The following PFKFB3 variants were observed in gnomAD, a reference collection of about 807,000 sequenced individuals.
PFKFB3 encodes 6-phosphofructo-2-kinase/fructose-2,6-bisphosphatase 3.
PFKFB3 carries 33 observed loss-of-function variants against 68.0 expected under a neutral mutation model. The observed-to-expected ratio is 0.49, with a 90% CI of 0.37 to 0.65. The LOEUF is 0.65. PFKFB3 is among the 30% of genes least tolerant of loss of function. The pLI is 0.00. For synonymous variants in PFKFB3, 315 were observed against 288.2 expected (o/e 1.09, Z -0.94); for missense variants, 586 against 712.2 (o/e 0.82, Z 2.02).
downstream of PFKFB3, among the ~76,000 whole-genome samples, chr10:6,240,134 T>G (rs1427253680): frequency 6.6e-6 from 1 of 152,250 alleles, no homozygotes; most frequent in African/African-American, 2.4e-5. Flanking sequence ...AGCTCCTATT[T>G]ATCTCATGCT....
At chr10:6,302,362 G>GT in the PFKFB3 span, among the ~76,000 whole-genome samples, 63 of 78,502 alleles carry the variant, frequency 8.0e-4, 2 homozygotes, top group African/African-American at 2.8e-3. Context: ...TGCCTGGCCA[G>GT]TTTTTTTTTT....
the PFKFB3 span, among the ~76,000 whole-genome samples, chr10:6,287,800 G>A: frequency 7.9e-5 from 12 of 151,778 alleles, no homozygotes; most frequent in African/African-American, 2.9e-4. Context: ...TGAACAAACT[G>A]CTATCTGTTA....
the PFKFB3 span, among the ~76,000 whole-genome samples, chr10:6,271,815 A>G: frequency 6.6e-6 from 1 of 152,162 alleles, no homozygotes; most frequent in Non-Finnish European, 1.5e-5. Context: ...TTTCTCCCCC[A>G]CACTGTGGGC....
chr10:6,314,291 C>T, the PFKFB3 span, among the ~76,000 whole-genome samples: 2 of 152,178 alleles, frequency 1.3e-5, no homozygotes, highest in Admixed American at 6.5e-5. Flanking sequence ...GGCACATGTT[C>T]ATTGCAGAAA....
Position 6,222,882 on chromosome 10 carries a change from G to C in PFKFB3, c.1111G>C (p.Glu371Gln). The C allele has an allele frequency of 1.2e-6, 2 of 1,613,916 alleles. No individual in the cohort carries two copies. Among genetic ancestry groups the C allele is most frequent in the Non-Finnish European group, 1.7e-6 (2 of 1,179,918 alleles). Residue 371 changes from glutamate to glutamine, a missense_variant, in exon 11 of 15, where the codon GAG (glutamate) becomes CAG (glutamine). Glu to Gln is a conservative substitution (Grantham distance 29, BLOSUM62 2). Transcript: ENST00000379775. ...ESYQDLVQRL[E>Q]PVIMELERQE... is the part of the protein sequence containing the mutation. ...CTACCAGGACCTGGTCCAGCGCTTGGAGCCAGTGATCATGGAGCTGGAGCG... is the reference window on the plus strand; with the variant it reads ...CTACCAGGACCTGGTCCAGCGCTTGCAGCCAGTGATCATGGAGCTGGAGCG...
chr10:6,302,274 C>T, the PFKFB3 span, among the ~76,000 whole-genome samples: 34 of 150,294 alleles, frequency 2.3e-4, 1 homozygote, highest in East Asian at 4.7e-3. Flanking sequence ...AGGCTGGTCT[C>T]GAACTCCTGA....
chr10:6,213,899 C>T (rs1211103056), intron 2 of PFKFB3, 151 bp downstream of exon 2: 4 of 764,710 alleles, frequency 5.2e-6, no homozygotes, highest in East Asian at 2.5e-5. Context: ...GGGTCCCCTT[C>T]ACACTGTGTC....
chr10:6,231,816 T>A (rs1845764580), intron 14 of PFKFB3, among the ~76,000 whole-genome samples: 1 of 149,078 alleles, frequency 6.7e-6, no homozygotes, highest in Non-Finnish European at 1.5e-5. Flanking sequence ...ACCTATCACC[T>A]CCTGGTGGGC....
rs937060701 is a variant in PFKFB3, at chr10:6,233,010, G to A, written c.*68G>A. 4 of 1,261,518 alleles carry A rather than the reference G, an allele frequency of 3.2e-6. No individual in the cohort carries two copies. The highest frequency in any genetic ancestry group is 3.5e-6 in the Non-Finnish European group (3 of 859,472). 78.1% of individuals were successfully genotyped at this position (1,261,518 alleles called of 1,614,324 possible). A position where few individuals can be genotyped will look rare whatever the true frequency, so the allele number is the denominator to read the frequency against. On this transcript the variant is annotated 3_prime_UTR_variant, in exon 15 of 15. Coordinates refer to ENST00000379775, the MANE Select transcript of PFKFB3 (RefSeq NM_004566.4). ...AGCTTGTGTCCTGCCCTCCGCCCGA[G>A]GCAAAACGTATCCTGAGGACTTCTT...
At chr10:6,174,359 T>C (rs1182041892) in intron 1 of PFKFB3, among the ~76,000 whole-genome samples, 1 of 152,190 alleles carries the variant, frequency 6.6e-6, no homozygotes, top group Non-Finnish European at 1.5e-5. Flanking sequence ...AAGAGTCCTC[T>C]CTGGTAAACA....
chr10:6,225,236 G>A (rs759083813), intron 13 of PFKFB3: 8 of 456,018 alleles, frequency 1.8e-5, no homozygotes, highest in Admixed American at 9.4e-5. Flanking sequence ...CTGTCATGGC[G>A]TTCCCGAAAC....
At chr10:6,267,695 C>T in the PFKFB3 span, among the ~76,000 whole-genome samples, 1 of 152,126 alleles carries the variant, frequency 6.6e-6, no homozygotes, top group African/African-American at 2.4e-5. Context: ...TGGCTCATGC[C>T]TGTAATCTCA....
the PFKFB3 span, among the ~76,000 whole-genome samples, chr10:6,318,939 A>G: frequency 6.6e-6 from 1 of 152,136 alleles, no homozygotes; most frequent in Non-Finnish European, 1.5e-5. Context: ...GTCTGGTCCG[A>G]AGCCTGGCTT....
chr10:6,272,704 A>G, the PFKFB3 span, among the ~76,000 whole-genome samples: 1 of 152,062 alleles, frequency 6.6e-6, no homozygotes, highest in African/African-American at 2.4e-5. Context: ...CAAAAAAAAG[A>G]AAAAAGAAAT....
chr10:6,202,325 A>G (rs61839756), upstream of PFKFB3: 36,921 of 151,858 alleles, frequency 0.24, 4,563 homozygotes, highest in Middle Eastern at 0.31. Context: ...CAAAGTGGAC[A>G]AGGACGAGGT....
At chr10:6,218,084 C>T (rs1844710189) in intron 6 of PFKFB3, among the ~76,000 whole-genome samples, 1 of 152,118 alleles carries the variant, frequency 6.6e-6, no homozygotes, top group Admixed American at 6.6e-5. Context: ...TTAGATTTGT[C>T]CAGTGGGAGC....
chr10:6,211,800 G>A (rs1844247963), intron 1 of PFKFB3, among the ~76,000 whole-genome samples: 1 of 152,188 alleles, frequency 6.6e-6, no homozygotes, highest in African/African-American at 2.4e-5. Flanking sequence ...CTGATAGCCT[G>A]TCTGTCTCCT....
the PFKFB3 span, among the ~76,000 whole-genome samples, chr10:6,261,281 TTG>T: frequency 6.6e-6 from 1 of 152,254 alleles, no homozygotes; most frequent in South Asian, 2.1e-4. Flanking sequence ...GGTCTTTCTT[TTG>T]TTGTTAAATG....
chr10:6,161,605 CAT>C (rs1564589998), intron 1 of PFKFB3, among the ~76,000 whole-genome samples: 3 of 146,742 alleles, frequency 2.0e-5, no homozygotes, highest in East Asian at 2.0e-4. Flanking sequence ...TACACACACA[CAT>C]ATATATACAC....
Sources: gnomAD v4.1 joint callset for allele counts (sites outside exome capture counted in the v4.1 genomes callset) on GRCh38, gnomAD v4.1.1 for gene constraint, MANE v1.5 for transcripts, NCBI Gene and HGNC (gene_info 2026-07-23, HGNC 2026-07-21) for gene names.